Variants in MROH9 observed in about 807,000 individuals in gnomAD.
MROH9 encodes the protein maestro heat like repeat family member 9.
In MROH9, 92 loss-of-function variants were observed where a neutral mutation model predicts 98.2. The observed-to-expected ratio is 0.94, with a 90% CI of 0.79 to 1.11. The LOEUF is 1.11. Ranked by LOEUF, MROH9 falls within the 50% of genes most tolerant of loss-of-function variation. The pLI, the probability that MROH9 is intolerant of heterozygous loss-of-function variation, is 0.00. For synonymous variants in MROH9, 397 were observed against 368.9 expected, an observed-to-expected ratio of 1.08 and a Z score of -0.87; for missense variants, 1,057 against 1,014.8, an observed-to-expected ratio of 1.04 and a Z score of -0.57.
At chr1:171,051,239 T>C (rs1181875361) in intron 20 of MROH9, among the ~76,000 whole-genome samples, 2 of 152,162 alleles carry the variant, frequency 1.3e-5, no homozygotes, top group Non-Finnish European at 2.9e-5. Context: ...CATTACTGGG[T>C]ATATACCCAA....
chr1:171,054,473 C>G (rs1479958228), intron 20 of MROH9, among the ~76,000 whole-genome samples: 1 of 152,088 alleles, frequency 6.6e-6, no homozygotes, highest in Non-Finnish European at 1.5e-5. Context: ...TTGGCTTAGG[C>G]AAAGACTTCA....
chr1:171,059,483 A>AT (rs1261823378), intron 20 of MROH9, among the ~76,000 whole-genome samples: 1 of 152,218 alleles, frequency 6.6e-6, no homozygotes, highest in African/African-American at 2.4e-5. Flanking sequence ...CAGTATGGTG[A>AT]TTCCTCAAAG....
At position 170,983,403 on chromosome 1, in the gene MROH9, CT is replaced by C. The variant is rs761315275; in HGVS notation, c.617-14del. On this transcript the variant is annotated intron_variant, in intron 8 of 21. Transcript: ENST00000367759. ...AGTGATCAAATAACAACCTGAAACTCTTTTTCTTAACAAAGCAGATATTGGA... is the reference window on the plus strand; with the variant it reads ...AGTGATCAAATAACAACCTGAAACTCTTTTCTTAACAAAGCAGATATTGGA... 9.1e-6 allele frequency: 14 copies of C among 1,544,314 alleles called. No homozygotes were observed. The South Asian group carries it at 1.6e-4, about 18-fold the overall frequency.
chr1:170,990,024 GTCCCT>G, intron 11 of MROH9, 21 bp downstream of exon 11: 1 of 1,595,002 alleles, frequency 6.3e-7, no homozygotes, highest in Non-Finnish European at 8.6e-7. Context: ...CCAACCCTCT[GTCCCT>G]TCCACAAGGG....
rs1054547902 is a variant in MROH9 at position 171,010,621 on chromosome 1, G to A, written c.1597-3496G>A. Among the ~76,000 whole-genome samples, 5 of 152,064 alleles carry A rather than the reference G, an allele frequency of 3.3e-5. No homozygotes were observed. The South Asian group carries it at 6.2e-4, about 19-fold the overall frequency. The stretch of plus-strand genomic sequence containing the variant: ...GTTGTTTCCTGACTTTTTAATGATC[G>A]CCATTCTAACTGGTGTGAGATGTTA... On this transcript the variant is annotated intron_variant, in intron 15 of 21. Transcript: ENST00000367759.
chr1:171,025,206 C>T, intron 19 of MROH9, 112 bp from the exon 20 acceptor site: 1 of 641,298 alleles, frequency 1.6e-6, no homozygotes, highest in Non-Finnish European at 2.7e-6. Context: ...CACACAAAAG[C>T]ATCCCCAATT....
chr1:170,957,780 T>G (rs944323809), intron 3 of MROH9, among the ~76,000 whole-genome samples: 2 of 150,580 alleles, frequency 1.3e-5, no homozygotes, highest in Non-Finnish European at 3.0e-5. Flanking sequence ...TAAGTTGCCC[T>G]GCTGGCATTT....
intron 20 of MROH9, among the ~76,000 whole-genome samples, chr1:171,045,140 A>G (rs1653431072): frequency 6.6e-6 from 1 of 150,752 alleles, no homozygotes; most frequent in Admixed American, 6.6e-5. Context: ...AGCTGGGACT[A>G]CAGGCGCCCG....
chr1:170,970,864 C>T (rs1238846458), intron 7 of MROH9, among the ~76,000 whole-genome samples: 2 of 151,984 alleles, frequency 1.3e-5, no homozygotes, highest in Admixed American at 1.3e-4. Flanking sequence ...GCCTTGGGAT[C>T]CCCCTAGAGT....
At chr1:170,941,964 C>G (rs149400785) in intron 1 of MROH9, among the ~76,000 whole-genome samples, 1 of 152,288 alleles carries the variant, frequency 6.6e-6, no homozygotes, top group African/African-American at 2.4e-5. Context: ...CATGTTTTAG[C>G]CAATCAACCA....
At chr1:170,963,037 A>G (rs527533642) in intron 6 of MROH9, among the ~76,000 whole-genome samples, 2 of 152,272 alleles carry the variant, frequency 1.3e-5, no homozygotes, top group South Asian at 4.1e-4. Context: ...CTATCAACAG[A>G]GTAAACAGAC....
Position 171,064,400 on chromosome 1 carries a change from A to G in MROH9, c.*60A>G. The G allele has an allele frequency of 6.9e-7, 1 of 1,440,978 alleles. No individual in the cohort carries two copies. Among genetic ancestry groups the G allele is most frequent in the Non-Finnish European group, 9.2e-7 (1 of 1,092,558 alleles). 89.3% of individuals were successfully genotyped at this position (1,440,978 alleles called of 1,614,324 possible). On this transcript the variant is annotated 3_prime_UTR_variant, in exon 22 of 22. Coordinates refer to ENST00000367759, the MANE Select transcript of MROH9 (RefSeq NM_001163629.2). The stretch of plus-strand genomic sequence containing the variant: ...AATGGGAAGTCCAACAATGTCTTGG[A>G]GCTGACCTTAGAAGAAGAATGATTT...
rs546074473 is a variant in MROH9 at position 171,012,040 on chromosome 1, A to G, written c.1597-2077A>G. The stretch of plus-strand genomic sequence containing the variant: ...TTTTTAAGTAAAATATTTAAAGTCA[A>G]ATTATGCATTTACTTCCAACTATAG... On this transcript the variant is annotated intron_variant, in intron 15 of 21. Coordinates refer to ENST00000367759, the MANE Select transcript of MROH9 (RefSeq NM_001163629.2). Among the ~76,000 whole-genome samples, 18 of 152,132 alleles carry G rather than the reference A, an allele frequency of 1.2e-4. No homozygotes were observed. The South Asian group carries it at 3.5e-3, about 30-fold the overall frequency.
At chr1:171,062,465 G>T (rs1220642751) in intron 21 of MROH9, among the ~76,000 whole-genome samples, 1 of 152,104 alleles carries the variant, frequency 6.6e-6, no homozygotes. Context: ...TCATCCTAGA[G>T]CCCTTGGGAA....
chr1:170,935,823 C>A (rs1313317846), intron 1 of MROH9, among the ~76,000 whole-genome samples: 3 of 151,618 alleles, frequency 2.0e-5, no homozygotes, highest in Non-Finnish European at 4.4e-5. Context: ...GAAACCCCAT[C>A]TCTACTAAAA....
At chr1:170,939,648 A>T (rs1376413078) in intron 1 of MROH9, among the ~76,000 whole-genome samples, 3 of 152,172 alleles carry the variant, frequency 2.0e-5, no homozygotes, top group African/African-American at 7.2e-5. Flanking sequence ...GCCTGATCAC[A>T]CATATATATC....
intron 21 of MROH9, among the ~76,000 whole-genome samples, chr1:171,062,443 G>A (rs967677313): frequency 3.3e-5 from 5 of 152,114 alleles, no homozygotes; most frequent in African/African-American, 1.2e-4. Flanking sequence ...TCCACTAATT[G>A]TCTGAGAACT....
At chr1:170,996,681 C>T (rs1651587779) in intron 14 of MROH9, 37 bp downstream of exon 14, 1 of 1,598,952 alleles carries the variant, frequency 6.3e-7, no homozygotes, top group Non-Finnish European at 8.5e-7. Context: ...TTCTTGGTCT[C>T]TATCCTACCT....
intron 17 of MROH9, among the ~76,000 whole-genome samples, chr1:171,022,243 C>A (rs1652543593): frequency 6.6e-6 from 1 of 152,162 alleles, no homozygotes; most frequent in African/African-American, 2.4e-5. Context: ...AATCCCATTA[C>A]TGAGTATATA....
Sources: allele counts gnomAD v4.1 joint callset (sites outside exome capture counted in the v4.1 genomes callset), GRCh38; gene constraint gnomAD v4.1.1; transcripts MANE v1.5; gene names NCBI Gene and HGNC (gene_info 2026-07-23, HGNC 2026-07-21).